Variants in KDM4C observed in about 807,000 individuals in gnomAD.
The protein encoded by KDM4C is lysine demethylase 4C.
KDM4C carries 81 observed loss-of-function variants against 129.3 expected under a neutral mutation model. The ratio of observed to expected loss-of-function variants is 0.63; its 90% confidence interval spans 0.52 to 0.75. The LOEUF is 0.75. Ranked by LOEUF, KDM4C falls within the 30% of genes least tolerant of loss-of-function variation. The probability of loss-of-function intolerance (pLI) is 0.00; values close to 1 mark genes in which losing one functional copy is unlikely to be tolerated. For missense variants in KDM4C, 1,457 were observed against 1,304.0 expected (o/e 1.12, Z -1.81); for synonymous variants, 573 against 456.1 (o/e 1.26, Z -3.26).
chr9:6,751,614 T>C (rs1818065798), intron 1 of KDM4C, among the ~76,000 whole-genome samples: 1 of 152,160 alleles, frequency 6.6e-6, no homozygotes, highest in South Asian at 2.1e-4. Flanking sequence ...GGACCCAAAC[T>C]ATATTAACAT....
intron 12 of KDM4C, among the ~76,000 whole-genome samples, chr9:6,993,088 G>C (rs1433778082): frequency 6.6e-6 from 1 of 152,092 alleles, no homozygotes; most frequent in Non-Finnish European, 1.5e-5. Context: ...TGTAATTACA[G>C]GATCAGGAAG....
intron 8 of KDM4C, among the ~76,000 whole-genome samples, chr9:6,908,711 G>A (rs964185261): frequency 6.6e-6 from 1 of 152,182 alleles, no homozygotes; most frequent in East Asian, 1.9e-4. Flanking sequence ...CTTAATTGGG[G>A]ACATTAAGTA....
intron 19 of KDM4C, among the ~76,000 whole-genome samples, chr9:7,147,158 G>A (rs115028282): frequency 0.026 from 4,019 of 152,300 alleles, 170 homozygotes; most frequent in African/African-American, 0.093. Context: ...GAGAAAACCA[G>A]GACATAAGGT....
At chr9:6,917,333 A>G (rs116572422) in intron 8 of KDM4C, among the ~76,000 whole-genome samples, 2,849 of 152,254 alleles carry the variant, frequency 0.019, 87 homozygotes, top group African/African-American at 0.065. Flanking sequence ...ATGCACTTGG[A>G]CCCCAGTAGG....
chr9:6,810,578 G>A (rs1830964204), intron 3 of KDM4C, among the ~76,000 whole-genome samples: 1 of 152,010 alleles, frequency 6.6e-6, no homozygotes, highest in South Asian at 2.1e-4. Context: ...TATTTCTTTT[G>A]AAGTTAATTT....
At chr9:7,154,087 G>T (rs906303172) in intron 19 of KDM4C, among the ~76,000 whole-genome samples, 6 of 152,224 alleles carry the variant, frequency 3.9e-5, no homozygotes, top group African/African-American at 1.2e-4. Flanking sequence ...AGCTGGGGAA[G>T]GGAGTGTCTG....
Position 7,013,793 on chromosome 9 carries a change from T to A in KDM4C, c.1974T>A (p.Asp658Glu). 6.2e-7 allele frequency: 1 copy of A among 1,613,712 alleles called. No individual in the cohort carries two copies. Among genetic ancestry groups the A allele is most frequent in the African/African-American group, 1.3e-5 (1 of 75,042 alleles). ...GGAAACGTTATGTTTTTCAGCCAGA[T>A]AGCAGCAATGAAGAAAATGATGCTA... ...CTLLMPYHKP[D>E]SSNEENDARW... The change falls in exon 14 of 22, where the codon GAT becomes GAA. Residue 658 changes from aspartate to glutamate, a missense_variant. Asp to Glu is a conservative substitution (Grantham distance 45). Coordinates refer to ENST00000381309, the MANE Select transcript of KDM4C (RefSeq NM_015061.6).
At chr9:6,822,323 G>A (rs1241615283) in intron 4 of KDM4C, among the ~76,000 whole-genome samples, 1 of 152,152 alleles carries the variant, frequency 6.6e-6, no homozygotes, top group Non-Finnish European at 1.5e-5. Context: ...CCCTTATATG[G>A]AGGATAATTA....
chr9:6,779,451 G>A (rs934767618), intron 1 of KDM4C, among the ~76,000 whole-genome samples: 1 of 152,198 alleles, frequency 6.6e-6, no homozygotes, highest in African/African-American at 2.4e-5. Context: ...GTTCTGGCAC[G>A]ATTCCTGACC....
chr9:6,892,969 C>A (rs1169686029), intron 7 of KDM4C, 126 bp from the exon 8 acceptor site: 2 of 629,462 alleles, frequency 3.2e-6, no homozygotes, highest in Middle Eastern at 4.4e-4. Context: ...TGGTGGAACT[C>A]TTTTTGGTAG....
intron 17 of KDM4C, among the ~76,000 whole-genome samples, chr9:7,068,184 A>G (rs950144140): frequency 6.6e-6 from 1 of 152,200 alleles, no homozygotes; most frequent in African/African-American, 2.4e-5. Flanking sequence ...TTTAAATAGC[A>G]TACTATATTG....
chr9:6,983,573 G>GACACACACACACACACACACACACACAC (rs56086219), intron 9 of KDM4C, among the ~76,000 whole-genome samples: 50 of 142,722 alleles, frequency 3.5e-4, no homozygotes, highest in Admixed American at 9.7e-4. Context: ...GTGTCTTTAT[G>GACACACACACACACACACACACACACAC]ACACACACAC....
At chr9:6,803,594 T>TAA (rs199714369) in intron 2 of KDM4C, among the ~76,000 whole-genome samples, 1 of 150,806 alleles carries the variant, frequency 6.6e-6, no homozygotes, top group Non-Finnish European at 1.5e-5. Context: ...AAGTTTGTTT[T>TAA]AAAAAAATTA....
Position 7,049,146 on chromosome 9 carries a change from C to G in KDM4C, c.2370C>G (p.Val790=). Residue 790 remains valine (V), a synonymous_variant, in exon 17 of 22, where the codon GTC becomes GTG. Transcript: ENST00000381309. ...VAVPEVRFTN[V]PERTQIDVGR... ...TCCCAGAAGTTCGATTCACTAATGT[C>G]CCAGAAAGGACACAAATAGATGTAG... 6.2e-7 allele frequency: 1 copy of G among 1,612,338 alleles called. No homozygotes were observed. Among genetic ancestry groups the G allele is most frequent in the Non-Finnish European group, 8.5e-7 (1 of 1,178,780 alleles).
intron 17 of KDM4C, among the ~76,000 whole-genome samples, chr9:7,100,795 G>C (rs577129041): frequency 7.0e-6 from 1 of 143,620 alleles, no homozygotes; most frequent in East Asian, 2.0e-4. Context: ...TTTTTTTATT[G>C]TGGATACTTG....
intron 1 of KDM4C, among the ~76,000 whole-genome samples, chr9:6,742,115 G>A (rs1395205657): frequency 6.6e-6 from 1 of 150,776 alleles, no homozygotes. Flanking sequence ...TGGGACTAGA[G>A]GTGTGTGCCA....
intron 2 of KDM4C, among the ~76,000 whole-genome samples, chr9:6,801,228 T>C (rs564155805): frequency 6.7e-5 from 10 of 150,272 alleles, no homozygotes; most frequent in African/African-American, 2.2e-4. Flanking sequence ...TTTATGTCCT[T>C]GAGTAGGGAA....
In KDM4C at chr9:6,793,000, C is replaced by G. The variant is rs762052381; in HGVS notation, c.12C>G (p.Ala4=). 6.2e-7 allele frequency: 1 copy of G among 1,614,074 alleles called. No individual in the cohort carries two copies. Among genetic ancestry groups the G allele is most frequent in the Non-Finnish European group, 8.5e-7 (1 of 1,180,016 alleles). MEV[A]EVESPLNPSC... Reference sequence around the variant, plus strand: ...CTGCCCTAACCATCATGGAGGTGGCCGAGGTGGAAAGTCCTCTGAACCCCA... The same window carrying G: ...CTGCCCTAACCATCATGGAGGTGGCGGAGGTGGAAAGTCCTCTGAACCCCA... Residue 4 remains alanine, a synonymous_variant, in exon 2 of 22, where the codon GCC becomes GCG. Coordinates refer to ENST00000381309, the MANE Select transcript of KDM4C (RefSeq NM_015061.6).
chr9:7,170,053 A>C (rs1283008385), intron 21 of KDM4C, 163 bp downstream of exon 21: 10 of 1,512,758 alleles, frequency 6.6e-6, no homozygotes, highest in Non-Finnish European at 8.9e-6. Flanking sequence ...GCAAACTTCA[A>C]ATTCAACCAA....
Sources: allele counts gnomAD v4.1 joint callset (sites outside exome capture counted in the v4.1 genomes callset), GRCh38; gene constraint gnomAD v4.1.1; transcripts MANE v1.5; gene names NCBI Gene and HGNC (gene_info 2026-07-23, HGNC 2026-07-21).